GOLM2: variants seen among roughly 807,000 people sequenced by gnomAD.
The protein encoded by GOLM2 is golgi membrane protein 2.
A neutral mutation model predicts 55.9 loss-of-function variants in GOLM2; 26 were observed. The ratio of observed to expected loss-of-function variants is 0.47; its 90% CI spans 0.34 to 0.65. The LOEUF (loss-of-function observed/expected upper bound fraction) is 0.65, where lower values mean the gene tolerates loss of function less well. Among genes scored for constraint, GOLM2 ranks in the 30% least tolerant of loss-of-function variants. The pLI is 0.01. For synonymous variants in GOLM2, 165 were observed against 194.6 expected, an observed-to-expected ratio of 0.85 and a Z score of 1.27; for missense variants, 486 against 531.8, an observed-to-expected ratio of 0.91 and a Z score of 0.85.
intron 9 of GOLM2, among the ~76,000 whole-genome samples, chr15:44,410,221 G>T (rs369900939): frequency 1.2e-4 from 18 of 152,122 alleles, no homozygotes; most frequent in African/African-American, 3.9e-4. Context: ...GGCGGATTAC[G>T]AGGTCAGAAG....
At chr15:44,380,527 G>A (rs1199085751) in intron 7 of GOLM2, among the ~76,000 whole-genome samples, 1 of 152,002 alleles carries the variant, frequency 6.6e-6, no homozygotes, top group Non-Finnish European at 1.5e-5. Context: ...TTAATCTATG[G>A]ATTTCTACTG....
chr15:44,390,976 A>C (rs2079484174), intron 8 of GOLM2, among the ~76,000 whole-genome samples: 1 of 152,220 alleles, frequency 6.6e-6, no homozygotes, highest in African/African-American at 2.4e-5. Context: ...ATTAAGCTGC[A>C]ACATGAATTT....
rs1201462381 is a variant in GOLM2 at position 44,343,823 on chromosome 15, C to CAA, written c.802+5520_802+5521dup. ...TGAACAACAGAGTGAGACTCTGTCT[C>CAA]AAAAAAAAAAAAAAAGAAAAAAATA... On this transcript the variant is annotated intron_variant, in intron 6 of 9. Transcript: ENST00000299957. Among the ~76,000 whole-genome samples the CAA allele has an allele frequency of 5.1e-3, 346 of 67,274 alleles. 2 individuals are homozygous for CAA. Among genetic ancestry groups the CAA allele is most frequent in the Admixed American group, 0.025 (147 of 5,978 alleles). The allele number at this position is 67,274 out of a possible 152,430, so 44.1% of individuals were successfully genotyped here.
chr15:44,334,349 T>G (rs1272659903), intron 4 of GOLM2, among the ~76,000 whole-genome samples: 2 of 152,216 alleles, frequency 1.3e-5, no homozygotes, highest in Non-Finnish European at 2.9e-5. Context: ...ACAAATCCAA[T>G]GTTAGCTATA....
intron 1 of GOLM2, among the ~76,000 whole-genome samples, chr15:44,293,381 A>T (rs1567018026): frequency 1.3e-5 from 2 of 152,208 alleles, no homozygotes; most frequent in South Asian, 2.1e-4. Flanking sequence ...GAAAGTCCGT[A>T]CTTTATTCAG....
At chr15:44,333,610 T>A (rs1348191517) in intron 4 of GOLM2, among the ~76,000 whole-genome samples, 1 of 151,992 alleles carries the variant, frequency 6.6e-6, no homozygotes, top group Non-Finnish European at 1.5e-5. Context: ...CACTGGAGGG[T>A]CAAAAGAACA....
rs1567037087 is a variant in GOLM2 at position 44,369,065 on chromosome 15, T to TA, written c.803-10624dup. 1.9e-3 allele frequency among the ~76,000 whole-genome samples: 126 copies of TA among 67,876 alleles called. 2 individuals are homozygous for TA. The highest frequency in any genetic ancestry group is 5.7e-3 in the Middle Eastern group (1 of 174). 44.5% of individuals were successfully genotyped at this position (67,876 alleles called of 152,430 possible). A position where few individuals can be genotyped will look rare whatever the true frequency, so the allele number is the denominator to read the frequency against. On this transcript the variant is annotated intron_variant, in intron 6 of 9. Transcript: ENST00000299957. ...GGAGATATATACATATAATAGGATATATTATATATATATATATATATATAT... is the reference window on the plus strand; with the variant it reads ...GGAGATATATACATATAATAGGATATAATTATATATATATATATATATATAT...
chr15:44,333,618 A>G (rs1480934988), intron 4 of GOLM2, among the ~76,000 whole-genome samples: 2 of 152,186 alleles, frequency 1.3e-5, no homozygotes, highest in African/African-American at 2.4e-5. Flanking sequence ...GGTCAAAAGA[A>G]CATAATGGAA....
chr15:44,349,271 A>C (rs1284992429), intron 6 of GOLM2, among the ~76,000 whole-genome samples: 1 of 151,922 alleles, frequency 6.6e-6, no homozygotes, highest in Non-Finnish European at 1.5e-5. Context: ...AAAAAAAAAA[A>C]AAAAACCACA....
chr15:44,349,187 A>G (rs1034213434), intron 6 of GOLM2, among the ~76,000 whole-genome samples: 2 of 148,250 alleles, frequency 1.3e-5, no homozygotes, highest in Non-Finnish European at 3.0e-5. Context: ...TGAACCCGGG[A>G]TGCAGAGGTT....
intron 8 of GOLM2, among the ~76,000 whole-genome samples, chr15:44,388,553 AGCCCC>A (rs1452074324): frequency 3.3e-5 from 5 of 152,000 alleles, no homozygotes; most frequent in Non-Finnish European, 5.9e-5. Flanking sequence ...GTGCTCCTGT[AGCCCC>A]ACCTCCTTGG....
Position 44,358,559 on chromosome 15 carries a change from C to A in GOLM2, c.802+20242C>A, listed in dbSNP as rs900290140. Among the ~76,000 whole-genome samples, 64 of 152,036 alleles carry A rather than the reference C, an allele frequency of 4.2e-4. 1 individual carries two copies. Among genetic ancestry groups the A allele is most frequent in the African/African-American group, 1.4e-3 (57 of 41,390 alleles). On this transcript the variant is annotated intron_variant, in intron 6 of 9. Transcript: ENST00000299957. ...AACAGAGAGTCCAGAGATAGACACA[C>A]ATAAATATAGTCAACTGGTCTTTGA...
At chr15:44,383,482 A>C (rs940257500) in intron 8 of GOLM2, among the ~76,000 whole-genome samples, 3 of 151,892 alleles carry the variant, frequency 2.0e-5, no homozygotes, top group Non-Finnish European at 4.4e-5. Flanking sequence ...CGTTTTTATA[A>C]GGTATTTAGA....
intron 1 of GOLM2, among the ~76,000 whole-genome samples, chr15:44,315,954 T>G (rs969196488): frequency 1.3e-5 from 2 of 152,194 alleles, no homozygotes; most frequent in African/African-American, 4.8e-5. Context: ...ACAAAGAGTA[T>G]GGGACATAAA....
chr15:44,338,583 T>A (rs1403446813), intron 6 of GOLM2, among the ~76,000 whole-genome samples: 2 of 152,244 alleles, frequency 1.3e-5, no homozygotes, highest in Admixed American at 1.3e-4. Context: ...AGTTTTTGCT[T>A]ATGACAGTTG....
intron 8 of GOLM2, among the ~76,000 whole-genome samples, chr15:44,384,686 G>A (rs2079429350): frequency 6.6e-6 from 1 of 151,970 alleles, no homozygotes; most frequent in African/African-American, 2.4e-5. Context: ...GGCAGAGCTT[G>A]CAGTGAGCCA....
intron 1 of GOLM2, among the ~76,000 whole-genome samples, chr15:44,303,579 T>C (rs2078814308): frequency 6.6e-6 from 1 of 152,050 alleles, no homozygotes; most frequent in Non-Finnish European, 1.5e-5. Context: ...TGTTTGTTTT[T>C]TTTGGTGACA....
At chr15:44,320,354 A>C (rs1231385925) in intron 1 of GOLM2, among the ~76,000 whole-genome samples, 1 of 152,132 alleles carries the variant, frequency 6.6e-6, no homozygotes, top group African/African-American at 2.4e-5. Context: ...GCTGGAGTAC[A>C]CTGGTGCAAT....
chr15:44,396,772 C>T lies in GOLM2; in HGVS notation c.1073-6115C>T, dbSNP rs540896057. Reference sequence around the variant, plus strand: ...AAAATTACTTCATATACATGCCATACATGCTTATTACATATTTAATAGACT... The same window carrying T: ...AAAATTACTTCATATACATGCCATATATGCTTATTACATATTTAATAGACT... On this transcript the variant is annotated intron_variant, in intron 8 of 9. Transcript: ENST00000299957. Among the ~76,000 whole-genome samples, 16 of 152,310 alleles carry T rather than the reference C, an allele frequency of 1.1e-4. No individual in the cohort carries two copies. In the East Asian group the frequency reaches 3.1e-3, roughly 29 times the overall value.
Sources: allele counts gnomAD v4.1 joint callset (sites outside exome capture counted in the v4.1 genomes callset), GRCh38; gene constraint gnomAD v4.1.1; transcripts MANE v1.5; gene names NCBI Gene and HGNC (gene_info 2026-07-23, HGNC 2026-07-21).